Variants in TRAF3IP1 observed in about 807,000 individuals in gnomAD.
TRAF3IP1 encodes TRAF3-interacting protein 1.
A neutral mutation model predicts 89.9 loss-of-function variants in TRAF3IP1; 53 were observed. That is an observed-to-expected ratio of 0.59 (90% confidence interval 0.47 to 0.74). The LOEUF is 0.74. TRAF3IP1 is among the 30% of genes least tolerant of loss of function. The pLI, the probability that TRAF3IP1 is intolerant of heterozygous loss-of-function variation, is 0.00. For synonymous variants in TRAF3IP1, 311 were observed against 322.1 expected (o/e 0.97, Z 0.37); for missense variants, 806 against 866.1 (o/e 0.93, Z 0.87).
In TRAF3IP1 at chr2:238,344,560, G is replaced by T; in HGVS notation, c.1223G>T (p.Cys408Phe). 3.1e-6 allele frequency: 5 copies of T among 1,614,226 alleles called. No homozygotes were observed. Among genetic ancestry groups the T allele is most frequent in the Non-Finnish European group, 4.2e-6 (5 of 1,180,032 alleles). ...GATGATAATTCAGCTAGTCTGCGGTGTGAGAATATTCAGCCCAACCCCACA... is the reference window on the plus strand; with the variant it reads ...GATGATAATTCAGCTAGTCTGCGGTTTGAGAATATTCAGCCCAACCCCACA... ...ISDDNSASLR[C>F]ENIQPNPTEK... Residue 408 changes from cysteine to phenylalanine, a missense_variant, in exon 9 of 17, where the codon TGT becomes TTT. By Grantham distance (205) the Cys-to-Phe change is radical. Around this residue, in one of 3 missense-constraint regions of TRAF3IP1, gnomAD observed 732 missense variants for 780.5 expected, o/e 0.94. Transcript: ENST00000373327.
At chr2:238,320,911 G>T in intron 1 of TRAF3IP1, 126 bp downstream of exon 1, 1 of 833,264 alleles carries the variant, frequency 1.2e-6, no homozygotes, top group Non-Finnish European at 1.6e-6. Flanking sequence ...TCGGGGGCCG[G>T]GGCTGGGCCG....
chr2:238,342,581 G>A (rs527704466), intron 8 of TRAF3IP1, among the ~76,000 whole-genome samples: 2 of 152,092 alleles, frequency 1.3e-5, no homozygotes, highest in Non-Finnish European at 1.5e-5. Flanking sequence ...ATATGGTAGA[G>A]TATGGAAAAC....
intron 15 of TRAF3IP1, among the ~76,000 whole-genome samples, chr2:238,358,528 T>C (rs1699522910): frequency 6.6e-6 from 1 of 152,132 alleles, no homozygotes; most frequent in East Asian, 1.9e-4. Context: ...AGAGCAAGCC[T>C]GTCTCAAAAA....
chr2:238,333,864 C>T (rs1698249086), intron 6 of TRAF3IP1, 96 bp from the exon 7 acceptor site: 1 of 1,031,962 alleles, frequency 9.7e-7, no homozygotes, highest in South Asian at 1.5e-5. Context: ...GGATTTCATA[C>T]TTGTTCTTCC....
rs766145038 is a variant in TRAF3IP1 at position 238,328,782 on chromosome 2, A to C, written c.451A>C (p.Asn151His). 6.2e-7 allele frequency: 1 copy of C among 1,614,192 alleles called. No homozygotes were observed. The highest frequency in any genetic ancestry group is 1.3e-5 in the African/African-American group (1 of 75,046). Residue 151 changes from asparagine (N) to histidine (H), a missense_variant, in exon 4 of 17, where the codon AAT becomes CAT. By Grantham distance (68) the Asn-to-His change is moderately conservative. Around this residue, in one of 3 missense-constraint regions of TRAF3IP1, gnomAD observed 732 missense variants for 780.5 expected, o/e 0.94. Transcript: ENST00000373327. ...SLTSRSQELD[N>H]KNVREEESRV... is the part of the protein sequence containing the mutation. The stretch of plus-strand genomic sequence containing the variant: ...GACCTCAAGATCTCAGGAATTGGAT[A>C]ATAAGAATGTGCGAGAAGAAGAGTC...
chr2:238,342,172 A>G (rs1698691152), intron 8 of TRAF3IP1, among the ~76,000 whole-genome samples: 1 of 151,998 alleles, frequency 6.6e-6, no homozygotes, highest in Admixed American at 6.6e-5. Flanking sequence ...TGTTTTCAGT[A>G]GAGATGGGGT....
At chr2:238,349,275 T>C in intron 11 of TRAF3IP1, 50 bp from the exon 12 acceptor site, 5 of 1,544,962 alleles carry the variant, frequency 3.2e-6, no homozygotes, top group Non-Finnish European at 4.4e-6. Context: ...CAGTTTGAAA[T>C]GTATAAGCCT....
chr2:238,364,269 G>A (rs886317916), intron 15 of TRAF3IP1, among the ~76,000 whole-genome samples: 1 of 152,134 alleles, frequency 6.6e-6, no homozygotes. Flanking sequence ...TGTACTAATG[G>A]ACTTGAATAA....
rs34723381 is a variant in TRAF3IP1, at chr2:238,329,142, C to T, written c.715C>T (p.Arg239Trp). 7.0e-3 allele frequency: 10,912 copies of T among 1,549,088 alleles called. 636 individuals are homozygous for T. In the African/African-American group the frequency reaches 0.13, roughly 19 times the overall value. The change falls in exon 5 of 17, where the codon CGG becomes TGG. Residue 239 changes from arginine to tryptophan, a missense_variant. Coordinates refer to ENST00000373327, the MANE Select transcript of TRAF3IP1 (RefSeq NM_015650.4). Reference sequence around the variant, plus strand: ...ACAGAAAGACAGAGGCAACAGGGAGCGGGACAGAGACTCCGAGCGCAAGAA... The same window carrying T: ...ACAGAAAGACAGAGGCAACAGGGAGTGGGACAGAGACTCCGAGCGCAAGAA... ...ERQKDRGNRE[R>W]DRDSERKKET...
intron 12 of TRAF3IP1, 116 bp downstream of exon 12, chr2:238,349,524 G>A (rs1574924212): frequency 2.8e-6 from 3 of 1,065,740 alleles, no homozygotes; most frequent in Admixed American, 2.2e-5. Context: ...ACATGCTATT[G>A]AGGAACAAAA....
At position 238,395,228 on chromosome 2, in the gene TRAF3IP1, G is replaced by A. The variant is rs149291002; in HGVS notation, c.1690-2231G>A. Among the ~76,000 whole-genome samples, 1,060 of 152,142 alleles carry A rather than the reference G, an allele frequency of 7.0e-3. 11 individuals carry two copies. Among genetic ancestry groups the A allele is most frequent in the African/African-American group, 0.024 (976 of 41,498 alleles). On this transcript the variant is annotated intron_variant, in intron 15 of 16. Coordinates refer to ENST00000373327, the MANE Select transcript of TRAF3IP1 (RefSeq NM_015650.4). Reference sequence around the variant, plus strand: ...AGAAAGAGAGAGAGAAGAAAGAAAGGGAAGAAGATAACCATCTGATCTTTG... The same window carrying A: ...AGAAAGAGAGAGAGAAGAAAGAAAGAGAAGAAGATAACCATCTGATCTTTG...
rs1421537563 is a variant in TRAF3IP1, at chr2:238,351,866, T to TGTGTGTGCGCGCGC, written c.1452-960_1452-959insTGTGTGCGCGCGCG. ...GTGTGTGTGTGTGTGTGTGTGTGTG[T>TGTGTGTGCGCGCGC]GCGCGCGCGCGCGTGTGCGTGCATG... On this transcript the variant is annotated intron_variant, in intron 12 of 16. Transcript: ENST00000373327. This position sits in a 1 kb window ranked among gnomAD's most constrained non-coding sequence, Gnocchi z 5.2. 7.8e-6 allele frequency among the ~76,000 whole-genome samples: 1 copy of TGTGTGTGCGCGCGC among 128,194 alleles called. No individual in the cohort carries two copies. Among genetic ancestry groups the TGTGTGTGCGCGCGC allele is most frequent in the Non-Finnish European group, 1.6e-5 (1 of 62,258 alleles). 84.1% of individuals were successfully genotyped at this position (128,194 alleles called of 152,430 possible).
Position 238,342,498 on chromosome 2 carries a change from T to G in TRAF3IP1, c.1160-1999T>G, listed in dbSNP as rs191088665. Among the ~76,000 whole-genome samples the G allele has an allele frequency of 3.3e-5, 5 of 152,262 alleles. No individual in the cohort carries two copies. The East Asian group carries it at 9.6e-4, about 29-fold the overall frequency. On this transcript the variant is annotated intron_variant, in intron 8 of 16. Transcript: ENST00000373327. ...CACTAGAACTTTGAAAAGGTAAAAT[T>G]GTGAAAGTGTCATTGGTCTCTGAAC...
intron 15 of TRAF3IP1, among the ~76,000 whole-genome samples, chr2:238,371,052 A>G (rs192430364): frequency 5.3e-3 from 809 of 152,322 alleles, no homozygotes; most frequent in Admixed American, 8.2e-3. Context: ...TCGTTTGGAC[A>G]GTAATATAGA....
intron 15 of TRAF3IP1, among the ~76,000 whole-genome samples, chr2:238,393,967 G>A (rs757817199): frequency 2.6e-5 from 4 of 152,256 alleles, no homozygotes; most frequent in Non-Finnish European, 5.9e-5. Flanking sequence ...GGGAGGCCGA[G>A]ATGGGAGGAT....
rs1697760916 is a variant in TRAF3IP1 at position 238,325,198 on chromosome 2, TG to T, written c.124-105del. The T allele has an allele frequency of 4.7e-6, 5 of 1,073,900 alleles. No individual in the cohort carries two copies. In the South Asian group the frequency reaches 6.4e-5, roughly 14 times the overall value. 66.5% of individuals were successfully genotyped at this position (1,073,900 alleles called of 1,614,324 possible). On this transcript the variant is annotated intron_variant, in intron 1 of 16. Transcript: ENST00000373327. ...ATTTCTTAAGTGGATGATTCAAATC[TG>T]GGCTGCTAGTCAATTCTGACATCTC...
chr2:238,352,877 C>G lies in TRAF3IP1; in HGVS notation c.1502C>G (p.Ser501Cys), dbSNP rs781336707. ...VSNVITESHN[S>C]DNEEDDQFVV... ...AATGTGATTACAGAGTCACACAATT[C>G]TGACAATGAAGAGGATGATCAATTT... The change falls in exon 13 of 17, where the codon TCT (serine) becomes TGT (cysteine). Residue 501 changes from serine (S) to cysteine (C), a missense_variant. Ser to Cys is a moderately radical substitution (Grantham distance 112). Around this residue, in one of 3 missense-constraint regions of TRAF3IP1, gnomAD observed 732 missense variants for 780.5 expected, o/e 0.94. Coordinates refer to ENST00000373327, the MANE Select transcript of TRAF3IP1 (RefSeq NM_015650.4). The G allele has an allele frequency of 5.6e-6, 9 of 1,613,594 alleles. No homozygotes were observed. In the East Asian group the frequency reaches 1.3e-4, roughly 24 times the overall value.
At chr2:238,377,230 C>CTT (rs71402784) in intron 15 of TRAF3IP1, among the ~76,000 whole-genome samples, 2,624 of 86,638 alleles carry the variant, frequency 0.03, 126 homozygotes, top group Middle Eastern at 0.045. Flanking sequence ...TCCTGATTTT[C>CTT]TTTTTTTTTT....
intron 5 of TRAF3IP1, among the ~76,000 whole-genome samples, chr2:238,332,104 A>C (rs114550536): frequency 6.6e-6 from 1 of 152,344 alleles, no homozygotes; most frequent in African/African-American, 2.4e-5. Flanking sequence ...CCCAGCTTGC[A>C]GTCATGGGTA....
Sources: allele counts gnomAD v4.1 joint callset (sites outside exome capture counted in the v4.1 genomes callset), GRCh38; gene constraint gnomAD v4.1.1; regional missense constraint gnomAD v4.1.1; non-coding constraint Gnocchi (gnomAD v3.1); transcripts MANE v1.5; gene names NCBI Gene and HGNC (gene_info 2026-07-23, HGNC 2026-07-21).